The following KCNAB1 variants were observed in gnomAD, a reference collection of about 807,000 sequenced individuals.
The protein encoded by KCNAB1 is potassium voltage-gated channel subfamily A regulatory beta subunit 1, also known as voltage-gated potassium channel subunit beta-1.
A neutral mutation model predicts 64.6 loss-of-function variants in KCNAB1; 35 were observed. The ratio of observed to expected loss-of-function variants is 0.54; its 90% CI spans 0.41 to 0.72. KCNAB1 has a LOEUF of 0.72. KCNAB1 is among the 30% of genes least tolerant of loss of function. The pLI is 0.00. For synonymous variants in KCNAB1, 177 were observed against 183.8 expected (o/e 0.96, Z 0.30); for missense variants, 401 against 512.9 (o/e 0.78, Z 2.11).
chr3:156,539,010 A>AAT (rs2108440394), downstream of KCNAB1: 1 of 102,712 alleles, frequency 9.7e-6, no homozygotes, highest in South Asian at 3.7e-4. Flanking sequence ...TAAATATACT[A>AAT]ATGTATTTCA....
chr3:156,316,476 T>A (rs538100434), intron 1 of KCNAB1, among the ~76,000 whole-genome samples: 1 of 152,338 alleles, frequency 6.6e-6, no homozygotes, highest in South Asian at 2.1e-4. Context: ...GTCTCAGTAG[T>A]TTTCAATCTA....
chr3:156,499,229 A>T (rs1716213751), intron 8 of KCNAB1, among the ~76,000 whole-genome samples: 1 of 152,172 alleles, frequency 6.6e-6, no homozygotes, highest in Admixed American at 6.5e-5. Context: ...ATCATGAGGG[A>T]TCCATCTTGC....
intron 1 of KCNAB1, among the ~76,000 whole-genome samples, chr3:156,149,548 C>T (rs938095222): frequency 4.6e-5 from 7 of 152,128 alleles, no homozygotes; most frequent in Non-Finnish European, 1.5e-5. Flanking sequence ...ACCTGAACCC[C>T]TCTCTGTGGG....
chr3:156,441,675 A>C (rs1401836012), intron 2 of KCNAB1, among the ~76,000 whole-genome samples: 1 of 152,178 alleles, frequency 6.6e-6, no homozygotes, highest in African/African-American at 2.4e-5. Context: ...TTTTATCTAC[A>C]TTAACTACTG....
chr3:156,525,610 G>T (rs35201541), intron 12 of KCNAB1, among the ~76,000 whole-genome samples: 19,846 of 152,216 alleles, frequency 0.13, 1,433 homozygotes, highest in African/African-American at 0.2. Flanking sequence ...CCGTCTCCCA[G>T]GTTCAAGCGA....
chr3:156,479,453 C>G (rs1714626158), intron 8 of KCNAB1, among the ~76,000 whole-genome samples: 3 of 151,914 alleles, frequency 2.0e-5, no homozygotes, highest in African/African-American at 7.3e-5. Flanking sequence ...TCTGTCATTC[C>G]CAAACACCAG....
At chr3:156,308,955 C>G (rs1216943101) in intron 1 of KCNAB1, among the ~76,000 whole-genome samples, 1 of 152,106 alleles carries the variant, frequency 6.6e-6, no homozygotes. Context: ...AATTTATTAG[C>G]ATTAGCTTTC....
rs145038819 is a variant in KCNAB1 at position 156,162,180 on chromosome 3, A to G, written c.275+41294A>G. Among the ~76,000 whole-genome samples, 13 of 152,338 alleles carry G rather than the reference A, an allele frequency of 8.5e-5. 1 individual carries two copies. In the East Asian group the frequency reaches 2.5e-3, roughly 29 times the overall value. On this transcript the variant is annotated intron_variant, in intron 1 of 13. Transcript: ENST00000490337. ...CTGAAGTGCTTTCATACTTGAAATC[A>G]TAGAATGGCTTTCTAAACATTGCCT... is the stretch of plus-strand genomic sequence containing the variant.
intron 1 of KCNAB1, among the ~76,000 whole-genome samples, chr3:156,408,217 C>A (rs1434866593): frequency 6.6e-6 from 1 of 152,114 alleles, no homozygotes; most frequent in African/African-American, 2.4e-5. Context: ...GTCTCAGGGC[C>A]CTTCTAGGCC....
chr3:156,291,703 G>A, intron 1 of KCNAB1: 1 of 1,423,698 alleles, frequency 7.0e-7, no homozygotes, highest in Non-Finnish European at 9.2e-7. Context: ...GGGTCCCCGG[G>A]GACTCTTTCC....
intron 1 of KCNAB1, among the ~76,000 whole-genome samples, chr3:156,139,161 C>T (rs1714546495): frequency 1.3e-5 from 2 of 152,172 alleles, no homozygotes; most frequent in Non-Finnish European, 2.9e-5. Context: ...GTATTGACAA[C>T]CAAAGGGATA....
intron 8 of KCNAB1, among the ~76,000 whole-genome samples, chr3:156,501,828 A>G (rs543689870): frequency 7.6e-4 from 116 of 152,322 alleles, no homozygotes; most frequent in African/African-American, 2.7e-3. Context: ...AATGGGACTT[A>G]CAGTTCCACA....
At chr3:156,351,120 CAT>C (rs1724832284) in intron 1 of KCNAB1, among the ~76,000 whole-genome samples, 1 of 152,238 alleles carries the variant, frequency 6.6e-6, no homozygotes, top group Non-Finnish European at 1.5e-5. Flanking sequence ...AGAAAGATAT[CAT>C]AAGAAAGACT....
At chr3:156,197,374 A>G (rs183761091) in intron 1 of KCNAB1, among the ~76,000 whole-genome samples, 1 of 152,280 alleles carries the variant, frequency 6.6e-6, no homozygotes, top group East Asian at 1.9e-4. Context: ...ATGGTTTCAG[A>G]ACGAATGCTA....
At chr3:156,280,311 T>C (rs879795402) in intron 1 of KCNAB1, among the ~76,000 whole-genome samples, 2,570 of 149,170 alleles carry the variant, frequency 0.017, 50 homozygotes, top group South Asian at 0.022. Flanking sequence ...GGCTCTGTTC[T>C]GTTCCATTGA....
Position 156,417,016 on chromosome 3 carries a change from T to G in KCNAB1, c.276-4600T>G, listed in dbSNP as rs55666803. ...CCTCAAAATGCCTGGCTAAATCATT[T>G]GTGTGCCTGGTGAATCCCAAATGAG... On this transcript the variant is annotated intron_variant, in intron 1 of 13. Coordinates refer to ENST00000490337, the MANE Select transcript of KCNAB1 (RefSeq NM_172160.3). 4.8e-3 allele frequency among the ~76,000 whole-genome samples: 738 copies of G among 152,378 alleles called. 5 individuals are homozygous for G. Among genetic ancestry groups the G allele is most frequent in the African/African-American group, 0.016 (672 of 41,584 alleles).
At chr3:156,421,802 G>A in intron 2 of KCNAB1, 143 bp downstream of exon 2, 1 of 662,982 alleles carries the variant, frequency 1.5e-6, no homozygotes, top group Non-Finnish European at 2.6e-6. Context: ...CTTCTCCTTT[G>A]AGCCTTTCTC....
intron 1 of KCNAB1, among the ~76,000 whole-genome samples, chr3:156,145,607 T>TA (rs1227757324): frequency 3.9e-5 from 6 of 152,158 alleles, no homozygotes; most frequent in East Asian, 1.9e-4. Flanking sequence ...ATGGCTATGT[T>TA]AAAAAAACAA....
chr3:156,345,285 T>C (rs995387833), intron 1 of KCNAB1, among the ~76,000 whole-genome samples: 4 of 152,238 alleles, frequency 2.6e-5, no homozygotes, highest in African/African-American at 9.6e-5. Flanking sequence ...TTCTGTAAGT[T>C]TAGTATATAA....
Sources: allele counts gnomAD v4.1 joint callset (sites outside exome capture counted in the v4.1 genomes callset), GRCh38; gene constraint gnomAD v4.1.1; transcripts MANE v1.5; gene names NCBI Gene and HGNC (gene_info 2026-07-23, HGNC 2026-07-21).